Variants in PRKN observed in about 807,000 individuals in gnomAD.
The protein encoded by PRKN is parkin RBR E3 ubiquitin protein ligase, also known as E3 ubiquitin-protein ligase parkin.
PRKN carries 56 observed loss-of-function variants against 59.5 expected under a neutral mutation model. The observed-to-expected ratio is 0.94, with a 90% confidence interval of 0.76 to 1.18. The LOEUF is 1.18. Ranked by LOEUF, PRKN falls within the 50% of genes most tolerant of loss-of-function variation. PRKN has a pLI of 0.00. For missense variants in PRKN, 657 were observed against 596.4 expected (o/e 1.10, Z -1.06); for synonymous variants, 250 against 222.1 (o/e 1.13, Z -1.12).
chr6:161,874,685 CAA>C lies in PRKN; in HGVS notation c.735-88779_735-88778del, dbSNP rs1309306596. Among the ~76,000 whole-genome samples, 545 of 95,976 alleles carry C rather than the reference CAA, an allele frequency of 5.7e-3. 14 individuals are homozygous for C. The highest frequency in any genetic ancestry group is 0.022 in the African/African-American group (513 of 22,996). The allele number at this position is 95,976 out of a possible 152,430, so 63.0% of individuals were successfully genotyped here. On this transcript the variant is annotated intron_variant, in intron 6 of 11. Transcript: ENST00000366898. The stretch of plus-strand genomic sequence containing the variant: ...TAAAATATATAATATATAAAATGTA[CAA>C]TATATATAAAATATATAATATATAA...
chr6:161,716,638 T>C (rs570759581), intron 7 of PRKN, among the ~76,000 whole-genome samples: 4 of 152,326 alleles, frequency 2.6e-5, no homozygotes, highest in African/African-American at 4.8e-5. Context: ...ACAAAGGCTA[T>C]GTACTTAAGA....
At chr6:161,807,248 C>T (rs1292656567) in intron 6 of PRKN, among the ~76,000 whole-genome samples, 1 of 152,178 alleles carries the variant, frequency 6.6e-6, no homozygotes, top group East Asian at 1.9e-4. Context: ...CGTGTGCACA[C>T]ACACACGAAT....
chr6:162,152,252 G>GTT (rs1417157394), intron 4 of PRKN, among the ~76,000 whole-genome samples: 1 of 152,114 alleles, frequency 6.6e-6, no homozygotes, highest in African/African-American at 2.4e-5. Flanking sequence ...GGCTCACATC[G>GTT]TTTCCTAGTA....
rs1554243453 is a variant in PRKN at position 162,556,368 on chromosome 6, T to TGTGTGTGCGC, written c.8-112896_8-112895insGCGCACACAC. 1.4e-3 allele frequency among the ~76,000 whole-genome samples: 138 copies of TGTGTGTGCGC among 98,120 alleles called. 3 individuals are homozygous for TGTGTGTGCGC. Among genetic ancestry groups the TGTGTGTGCGC allele is most frequent in the Middle Eastern group, 0.01 (2 of 196 alleles). 64.4% of individuals were successfully genotyped at this position (98,120 alleles called of 152,430 possible). On this transcript the variant is annotated intron_variant, in intron 1 of 11. Transcript: ENST00000366898. The stretch of plus-strand genomic sequence containing the variant: ...GTGTGTGTGTGTGTGTGTGTGTGTG[T>TGTGTGTGCGC]GTGTGTGTGTGTGTGTGTGTGTGTG...
rs1283224859 is a variant in PRKN, at chr6:162,593,352, T to C, written c.7+134310A>G. On this transcript the variant is annotated intron_variant, in intron 1 of 11. Transcript: ENST00000366898. ...GCAACTGGATGGCACGTCTATTTTG[T>C]GCTTTTGAAAAGAACCTGAGAAGCC... is the stretch of plus-strand genomic sequence containing the variant. 2.1e-4 allele frequency among the ~76,000 whole-genome samples: 32 copies of C among 152,214 alleles called. 1 individual carries two copies. Among genetic ancestry groups the C allele is most frequent in the Admixed American group, 1.8e-3 (28 of 15,284 alleles).
At chr6:162,083,005 G>A (rs1779118747) in intron 4 of PRKN, among the ~76,000 whole-genome samples, 2 of 151,938 alleles carry the variant, frequency 1.3e-5, no homozygotes, top group Non-Finnish European at 2.9e-5. Flanking sequence ...GCTCAGGCTG[G>A]ATGCAGTGGC....
At chr6:162,118,204 G>A (rs191509133) in intron 4 of PRKN, among the ~76,000 whole-genome samples, 2 of 152,134 alleles carry the variant, frequency 1.3e-5, no homozygotes, top group Admixed American at 6.5e-5. Context: ...GAGGTCAGGA[G>A]ATCAAGACCA....
rs1164285673 is a variant in PRKN, at chr6:161,419,033, G to A, written c.1084-32156C>T. The stretch of plus-strand genomic sequence containing the variant: ...CAGTAAAGCGAGTCTCTGAAAATAC[G>A]TTGGATGTAAACACATCGTTTACAT... On this transcript the variant is annotated intron_variant, in intron 9 of 11. Transcript: ENST00000366898. The surrounding 1 kb of genome is among the most constrained non-coding windows in gnomAD (Gnocchi z 4.1). Among the ~76,000 whole-genome samples, 2 of 152,314 alleles carry A rather than the reference G, an allele frequency of 1.3e-5. No homozygotes were observed. Among genetic ancestry groups the A allele is most frequent in the East Asian group, 1.9e-4 (1 of 5,182 alleles).
intron 1 of PRKN, among the ~76,000 whole-genome samples, chr6:162,485,679 A>T (rs1248868856): frequency 2.0e-5 from 3 of 152,164 alleles, no homozygotes; most frequent in Non-Finnish European, 2.9e-5. Context: ...ACTGACACCC[A>T]CTACACTTGT....
chr6:162,486,207 T>A (rs1446275241), intron 1 of PRKN, among the ~76,000 whole-genome samples: 2 of 152,214 alleles, frequency 1.3e-5, no homozygotes, highest in African/African-American at 4.8e-5. Flanking sequence ...GCTGCATTAC[T>A]ACTCATACAT....
chr6:162,194,772 G>A (rs1784426497), intron 4 of PRKN, among the ~76,000 whole-genome samples: 1 of 151,930 alleles, frequency 6.6e-6, no homozygotes, highest in South Asian at 2.1e-4. Context: ...GGAAGTATTA[G>A]CTTTGGTAAA....
chr6:161,480,787 G>C lies in PRKN; in HGVS notation c.1083+68067C>G, dbSNP rs1187271955. ...GGCCTTATCTGAAATACCTGCCTCA[G>C]CACATGCTGAAAGTATCAATAAAGA... On this transcript the variant is annotated intron_variant, in intron 9 of 11. Transcript: ENST00000366898. This position sits in a 1 kb window ranked among gnomAD's most constrained non-coding sequence, Gnocchi z 4.1. Among the ~76,000 whole-genome samples the C allele has an allele frequency of 6.6e-6, 1 of 152,206 alleles. No individual in the cohort carries two copies. The highest frequency in any genetic ancestry group is 1.5e-5 in the Non-Finnish European group (1 of 68,040).
intron 4 of PRKN, among the ~76,000 whole-genome samples, chr6:162,134,172 T>A (rs921969909): frequency 6.6e-6 from 1 of 152,102 alleles, no homozygotes; most frequent in Non-Finnish European, 1.5e-5. Context: ...CAAGACAGCA[T>A]GGGAACTGGT....
chr6:162,503,808 T>G (rs1054007356), intron 1 of PRKN, among the ~76,000 whole-genome samples: 1 of 152,132 alleles, frequency 6.6e-6, no homozygotes, highest in Non-Finnish European at 1.5e-5. Flanking sequence ...TAACCTAAAC[T>G]TACCCAATGT....
chr6:161,617,080 T>C (rs1055412915), intron 7 of PRKN, among the ~76,000 whole-genome samples: 3 of 152,238 alleles, frequency 2.0e-5, no homozygotes, highest in African/African-American at 7.2e-5. Context: ...TGTTGTTTCC[T>C]GACTTTTTAA....
chr6:161,766,246 A>G (rs1056235668), intron 7 of PRKN, among the ~76,000 whole-genome samples: 2 of 151,938 alleles, frequency 1.3e-5, no homozygotes, highest in Admixed American at 1.3e-4. Context: ...TGTTCCCTTG[A>G]TAAAGTATTG....
At chr6:161,729,028 A>G (rs1384843655) in intron 7 of PRKN, among the ~76,000 whole-genome samples, 1 of 152,224 alleles carries the variant, frequency 6.6e-6, no homozygotes, top group Admixed American at 6.5e-5. Context: ...TAATTCTAAC[A>G]GTTGAAAAAG....
At chr6:161,778,668 G>A (rs1790060342) in intron 7 of PRKN, among the ~76,000 whole-genome samples, 1 of 152,100 alleles carries the variant, frequency 6.6e-6, no homozygotes, top group African/African-American at 2.4e-5. Flanking sequence ...TGGAGGTCCA[G>A]CCATTTTATA....
chr6:161,455,129 C>A (rs563032515), intron 9 of PRKN, among the ~76,000 whole-genome samples: 1 of 151,728 alleles, frequency 6.6e-6, no homozygotes, highest in South Asian at 2.1e-4. Flanking sequence ...ACCTCTGCCC[C>A]CCGGGTTCAA....
Sources: gnomAD v4.1 joint callset for allele counts (sites outside exome capture counted in the v4.1 genomes callset) on GRCh38, gnomAD v4.1.1 for gene constraint, Gnocchi (gnomAD v3.1) non-coding constraint, MANE v1.5 for transcripts, NCBI Gene and HGNC (gene_info 2026-07-23, HGNC 2026-07-21) for gene names.